The following SNX6 variants were observed in gnomAD, a reference collection of about 807,000 sequenced individuals.
SNX6 encodes the protein sorting nexin 6, also known as sorting nexin-6.
Under a neutral mutation model 63.0 loss-of-function variants are expected in SNX6, and 34 were observed. The ratio of observed to expected loss-of-function variants is 0.54; its 90% CI spans 0.41 to 0.72. The LOEUF (loss-of-function observed/expected upper bound fraction) is 0.72. SNX6 is among the 30% of genes least tolerant of loss of function. The pLI is 0.00. For synonymous variants in SNX6, 170 were observed against 164.2 expected (o/e 1.04, Z -0.27); for missense variants, 398 against 471.4 (o/e 0.84, Z 1.44).
At chr14:34,602,224 G>A (rs1033528428) in intron 6 of SNX6, among the ~76,000 whole-genome samples, 2 of 151,878 alleles carry the variant, frequency 1.3e-5, no homozygotes, top group Non-Finnish European at 2.9e-5. Context: ...CTGGGAGTTT[G>A]AGACCAGCCT....
At chr14:34,564,352 T>C (rs1881071765) in intron 13 of SNX6, among the ~76,000 whole-genome samples, 1 of 152,034 alleles carries the variant, frequency 6.6e-6, no homozygotes, top group African/African-American at 2.4e-5. Context: ...TTTAACAGCA[T>C]CCTTGGCCCA....
chr14:34,583,396 G>T (rs982249179), intron 9 of SNX6, among the ~76,000 whole-genome samples: 1 of 151,222 alleles, frequency 6.6e-6, no homozygotes, highest in Non-Finnish European at 1.5e-5. Context: ...AGTTAAAAGT[G>T]AAAATAAATT....
At chr14:34,629,338 A>C in intron 2 of SNX6, 2 of 356,148 alleles carry the variant, frequency 5.6e-6, no homozygotes, top group South Asian at 4.2e-5. Context: ...GATTTGTTGG[A>C]TATTAGAAAA....
At chr14:34,627,459 A>C (rs1883873749) in intron 2 of SNX6, among the ~76,000 whole-genome samples, 1 of 152,148 alleles carries the variant, frequency 6.6e-6, no homozygotes. Flanking sequence ...GTTTCAAAAA[A>C]AAAAAAAATT....
intron 4 of SNX6, among the ~76,000 whole-genome samples, chr14:34,606,069 G>A (rs944280306): frequency 1.4e-4 from 22 of 151,880 alleles, no homozygotes; most frequent in Admixed American, 4.6e-4. Flanking sequence ...AGCGACTCGG[G>A]AGGCTGAGGC....
intron 7 of SNX6, among the ~76,000 whole-genome samples, chr14:34,596,057 A>G (rs1356010282): frequency 6.6e-6 from 1 of 151,724 alleles, no homozygotes; most frequent in African/African-American, 2.4e-5. Context: ...ATCTGTACTA[A>G]AAATACAAAA....
chr14:34,629,628 C>T (rs1352546159), intron 2 of SNX6: 1 of 675,482 alleles, frequency 1.5e-6, no homozygotes, highest in Non-Finnish European at 2.7e-6. Flanking sequence ...CACTTCGCCA[C>T]CTGCACCCCG....
In SNX6 at chr14:34,575,804, T is replaced by C. The variant is rs529343108; in HGVS notation, c.873A>G (p.Lys291=). The C allele has an allele frequency of 1.3e-6, 2 of 1,597,136 alleles. No homozygotes were observed. Among genetic ancestry groups the C allele is most frequent in the African/African-American group, 1.3e-5 (1 of 74,346 alleles). ...EARVSADEDL[K]LSDLLKYYLR... Reference sequence around the variant, plus strand: ...AGTAATATTTTAAAAGATCAGAAAGTTTGAGGTCTTCATCAGCAGACACTC... The same window carrying C: ...AGTAATATTTTAAAAGATCAGAAAGCTTGAGGTCTTCATCAGCAGACACTC... The change falls in exon 11 of 14, where the codon AAA becomes AAG. Residue 291 remains lysine (K), a synonymous_variant. Coordinates refer to ENST00000362031, the MANE Select transcript of SNX6 (RefSeq NM_152233.4).
chr14:34,630,111 C>G lies in SNX6; in HGVS notation c.6G>C (p.Met2Ile). 15 of 1,428,342 alleles carry G rather than the reference C, an allele frequency of 1.1e-5. No individual in the cohort carries two copies. The highest frequency in any genetic ancestry group is 1.4e-5 in the Non-Finnish European group (15 of 1,101,846). 88.5% of individuals were successfully genotyped at this position (1,428,342 alleles called of 1,614,324 possible). Residue 2 changes from methionine (M) to isoleucine (I), a missense_variant and splice_region_variant, in exon 1 of 14, where the codon ATG (methionine) becomes ATC (isoleucine). Met to Ile is a conservative substitution (Grantham distance 10). Coordinates refer to ENST00000362031, the MANE Select transcript of SNX6 (RefSeq NM_152233.4). ...ACTCGGCGCCGCGGAGAACACCCAC[C>G]ATCATGGCTGCTCCGAGGCGAGGGC... MMEGLDDGPDFL... is the reference protein window; with the variant it reads MIEGLDDGPDFL...
At chr14:34,630,054 C>T in intron 1 of SNX6, 57 bp downstream of exon 1, 1 of 1,457,860 alleles carries the variant, frequency 6.9e-7, no homozygotes, top group South Asian at 1.4e-5. Flanking sequence ...CCGCGCCCGC[C>T]CCGCGCCCGC....
At chr14:34,573,474 C>G (rs913464961) in intron 11 of SNX6, among the ~76,000 whole-genome samples, 4 of 151,912 alleles carry the variant, frequency 2.6e-5, no homozygotes, top group African/African-American at 9.7e-5. Context: ...ACTCAGGACG[C>G]GGAGGCAGGA....
intron 6 of SNX6, among the ~76,000 whole-genome samples, chr14:34,600,899 T>A (rs894646019): frequency 6.6e-6 from 1 of 151,864 alleles, no homozygotes; most frequent in Admixed American, 6.6e-5. Context: ...TAGCCAGGTA[T>A]GGTGGCTACT....
chr14:34,587,328 T>G (rs763425310), intron 8 of SNX6, among the ~76,000 whole-genome samples: 4 of 151,514 alleles, frequency 2.6e-5, no homozygotes, highest in East Asian at 3.9e-4. Flanking sequence ...GTTAGGAGAT[T>G]GAGACCATCC....
chr14:34,573,472 C>A (rs988984940), intron 11 of SNX6, among the ~76,000 whole-genome samples: 1 of 151,834 alleles, frequency 6.6e-6, no homozygotes, highest in African/African-American at 2.4e-5. Flanking sequence ...CTACTCAGGA[C>A]GCGGAGGCAG....
chr14:34,578,095 T>C (rs1450143263), intron 10 of SNX6, among the ~76,000 whole-genome samples: 2 of 151,800 alleles, frequency 1.3e-5, no homozygotes, highest in African/African-American at 2.4e-5. Context: ...TCCCAGGTAC[T>C]TGGGAGGCTG....
At chr14:34,571,255 A>G (rs537805485) in intron 11 of SNX6, among the ~76,000 whole-genome samples, 3 of 151,306 alleles carry the variant, frequency 2.0e-5, no homozygotes, top group Non-Finnish European at 4.4e-5. Context: ...AAAACGGTGA[A>G]ACCCCGTCTG....
Position 34,567,745 on chromosome 14 carries a change from CTCT to C in SNX6, c.1105_1107del (p.Arg369del), listed in dbSNP as rs1443616819. On this transcript the variant is annotated inframe_deletion, in exon 13 of 14. Coordinates refer to ENST00000362031, the MANE Select transcript of SNX6 (RefSeq NM_152233.4). ...ACTAAATTTTTTCTGAATGCAGCAA[CTCT>C]TCTTGTCTTAAAATCTATAAGTTCT... 1 of 1,613,842 alleles carries C rather than the reference CTCT, an allele frequency of 6.2e-7. No homozygotes were observed. Among genetic ancestry groups the C allele is most frequent in the Non-Finnish European group, 8.5e-7 (1 of 1,179,800 alleles).
At chr14:34,566,603 T>C (rs937851712) in intron 13 of SNX6, among the ~76,000 whole-genome samples, 1 of 152,240 alleles carries the variant, frequency 6.6e-6, no homozygotes, top group African/African-American at 2.4e-5. Context: ...ATTAGATTCT[T>C]TCAGAGCTGA....
At chr14:34,574,777 C>T (rs531463477) in intron 11 of SNX6, among the ~76,000 whole-genome samples, 3 of 151,814 alleles carry the variant, frequency 2.0e-5, no homozygotes, top group Middle Eastern at 3.4e-3. Flanking sequence ...AGGCTGGTCT[C>T]GAACTCCCAA....
Sources: gnomAD v4.1 joint callset for allele counts (sites outside exome capture counted in the v4.1 genomes callset) on GRCh38, gnomAD v4.1.1 for gene constraint, MANE v1.5 for transcripts, NCBI Gene and HGNC (gene_info 2026-07-23, HGNC 2026-07-21) for gene names.